The following ZBTB20 variants were observed in gnomAD, a reference collection of about 807,000 sequenced individuals.
ZBTB20 encodes the protein zinc finger and BTB domain-containing protein 20.
ZBTB20 carries 9 observed loss-of-function variants against 56.9 expected under a neutral mutation model. The observed-to-expected ratio is 0.16, with a 90% CI of 0.10 to 0.28. The LOEUF (loss-of-function observed/expected upper bound fraction) is 0.28. Ranked by LOEUF, ZBTB20 falls within the 10% of genes least tolerant of loss-of-function variation. The pLI, the probability that ZBTB20 is intolerant of heterozygous loss-of-function variation, is 1.00. For synonymous variants in ZBTB20, 417 were observed against 420.7 expected (o/e 0.99, Z 0.11); for missense variants, 655 against 1,003.0 (o/e 0.65, Z 4.69).
chr3:115,137,328 T>A (rs1454455575), intron 1 of ZBTB20, among the ~76,000 whole-genome samples: 2 of 152,094 alleles, frequency 1.3e-5, no homozygotes, highest in African/African-American at 4.8e-5. Flanking sequence ...GGTATATGAG[T>A]ATGTATGTAT....
At chr3:115,134,399 G>C (rs2084597284) in intron 1 of ZBTB20, among the ~76,000 whole-genome samples, 1 of 152,112 alleles carries the variant, frequency 6.6e-6, no homozygotes, top group Non-Finnish European at 1.5e-5. Flanking sequence ...CAAGTGCAGA[G>C]ATGCTCAAAA....
At chr3:115,018,121 G>C (rs933347343) in intron 2 of ZBTB20, among the ~76,000 whole-genome samples, 2 of 151,250 alleles carry the variant, frequency 1.3e-5, no homozygotes, top group African/African-American at 4.8e-5. Flanking sequence ...TTTGTACCAA[G>C]TTTATATGTG....
intron 2 of ZBTB20, among the ~76,000 whole-genome samples, chr3:115,058,354 A>C (rs2081889945): frequency 2.6e-5 from 4 of 152,104 alleles, no homozygotes; most frequent in Admixed American, 2.6e-4. Context: ...ATGTGTCTTG[A>C]TGCCATTTCC....
chr3:115,087,106 A>T (rs1031481623), intron 1 of ZBTB20, among the ~76,000 whole-genome samples: 1 of 151,814 alleles, frequency 6.6e-6, no homozygotes, highest in Non-Finnish European at 1.5e-5. Context: ...TAAAATTCTG[A>T]TTCGTATTTC....
chr3:114,506,408 C>T (rs932208496), intron 6 of ZBTB20, among the ~76,000 whole-genome samples: 3 of 152,082 alleles, frequency 2.0e-5, no homozygotes, highest in Non-Finnish European at 4.4e-5. Context: ...CTCCCTGTTC[C>T]TTCTTGATTC....
intron 10 of ZBTB20, among the ~76,000 whole-genome samples, chr3:114,352,509 T>C (rs1371846267): frequency 6.6e-6 from 1 of 152,240 alleles, no homozygotes; most frequent in Non-Finnish European, 1.5e-5. Flanking sequence ...CAAACAGTCA[T>C]GATCATGCTT....
intron 7 of ZBTB20, among the ~76,000 whole-genome samples, chr3:114,409,477 C>G (rs1334163170): frequency 2.0e-5 from 3 of 151,702 alleles, no homozygotes; most frequent in Non-Finnish European, 4.4e-5. Context: ...GCTGAAGGCA[C>G]TACAGCAGGA....
At chr3:114,508,376 T>C (rs986046846) in intron 6 of ZBTB20, among the ~76,000 whole-genome samples, 28 of 152,180 alleles carry the variant, frequency 1.8e-4, no homozygotes, top group Non-Finnish European at 1.5e-4. Flanking sequence ...TCCAATGACC[T>C]TGTCTGAACC....
intron 6 of ZBTB20, among the ~76,000 whole-genome samples, chr3:114,582,686 T>G (rs1486108742): frequency 6.6e-6 from 1 of 152,180 alleles, no homozygotes; most frequent in Non-Finnish European, 1.5e-5. Context: ...AGCCTGTGTT[T>G]TAAATATTTT....
intron 6 of ZBTB20, among the ~76,000 whole-genome samples, chr3:114,590,990 A>C (rs1298639734): frequency 6.6e-6 from 1 of 152,236 alleles, no homozygotes; most frequent in Non-Finnish European, 1.5e-5. Flanking sequence ...TTTTGTCATT[A>C]TCAGACCTCA....
chr3:114,627,279 G>A (rs2058705093), intron 6 of ZBTB20, among the ~76,000 whole-genome samples: 1 of 152,048 alleles, frequency 6.6e-6, no homozygotes, highest in Admixed American at 6.6e-5. Flanking sequence ...ATTTCACAGG[G>A]GATCCTATTG....
intron 7 of ZBTB20, among the ~76,000 whole-genome samples, chr3:114,433,066 C>G (rs2090236266): frequency 6.6e-6 from 1 of 152,116 alleles, no homozygotes; most frequent in Non-Finnish European, 1.5e-5. Flanking sequence ...TTATGTTACT[C>G]TAGGAATTAA....
chr3:114,475,346 C>A (rs1241208788), intron 7 of ZBTB20, among the ~76,000 whole-genome samples: 5 of 152,060 alleles, frequency 3.3e-5, no homozygotes, highest in African/African-American at 1.2e-4. Context: ...TAGAGCATTT[C>A]ACTTTTCACT....
At chr3:114,989,067 T>C (rs938621523) in intron 2 of ZBTB20, among the ~76,000 whole-genome samples, 5 of 152,178 alleles carry the variant, frequency 3.3e-5, no homozygotes, top group Non-Finnish European at 7.3e-5. Context: ...TTCACTCTGA[T>C]GGTAGTTTCT....
At chr3:114,363,650 T>C (rs1019322682) in intron 10 of ZBTB20, among the ~76,000 whole-genome samples, 1 of 152,160 alleles carries the variant, frequency 6.6e-6, no homozygotes, top group African/African-American at 2.4e-5. Context: ...GCACACAAGG[T>C]TCCTAGGAAG....
intron 3 of ZBTB20, among the ~76,000 whole-genome samples, chr3:114,948,008 A>G (rs906185735): frequency 1.4e-5 from 2 of 145,878 alleles, no homozygotes; most frequent in African/African-American, 5.6e-5. Context: ...ACATTAAGAG[A>G]AGGTAAAATT....
intron 10 of ZBTB20, among the ~76,000 whole-genome samples, chr3:114,360,624 T>C: frequency 6.6e-6 from 1 of 152,108 alleles, no homozygotes; most frequent in Admixed American, 6.6e-5. Flanking sequence ...GTGCTGGGAT[T>C]ACAGGCGTGA....
chr3:114,807,771 T>G (rs1344788061), intron 4 of ZBTB20, among the ~76,000 whole-genome samples: 1 of 152,132 alleles, frequency 6.6e-6, no homozygotes, highest in Non-Finnish European at 1.5e-5. Flanking sequence ...TCTCTTTTAT[T>G]CTATTAATAT....
At chr3:114,467,832 T>G (rs1350240542) in intron 7 of ZBTB20, among the ~76,000 whole-genome samples, 1 of 152,186 alleles carries the variant, frequency 6.6e-6, no homozygotes, top group East Asian at 1.9e-4. Context: ...TTATTTGTAT[T>G]TTATTCAGGA....
Sources: gnomAD v4.1 joint callset for allele counts (sites outside exome capture counted in the v4.1 genomes callset) on GRCh38, gnomAD v4.1.1 for gene constraint, MANE v1.5 for transcripts, NCBI Gene and HGNC (gene_info 2026-07-23, HGNC 2026-07-21) for gene names.